The following PTGFR variants were observed in gnomAD, a reference collection of about 807,000 sequenced individuals.
PTGFR encodes prostaglandin F2-alpha receptor.
PTGFR carries 15 observed loss-of-function variants against 26.2 expected under a neutral mutation model. The observed-to-expected ratio is 0.57, with a 90% CI of 0.38 to 0.88. The LOEUF is 0.88. PTGFR is among the 40% of genes least tolerant of loss of function. The pLI is 0.00. For missense variants in PTGFR, 369 were observed against 427.2 expected (o/e 0.86, Z 1.20); for synonymous variants, 165 against 151.1 (o/e 1.09, Z -0.68).
intron 2 of PTGFR, among the ~76,000 whole-genome samples, chr1:78,507,882 T>C (rs1382718862): frequency 6.6e-6 from 1 of 152,236 alleles, no homozygotes; most frequent in African/African-American, 2.4e-5. Flanking sequence ...ATAGTTTTGC[T>C]GGTTATTGAG....
chr1:78,497,093 T>C (rs1337553489), intron 2 of PTGFR, among the ~76,000 whole-genome samples: 1 of 152,210 alleles, frequency 6.6e-6, no homozygotes, highest in Non-Finnish European at 1.5e-5. Context: ...ATAAATGTTT[T>C]AAATTAAAAC....
At chr1:78,513,737 A>C (rs755370187) in intron 2 of PTGFR, among the ~76,000 whole-genome samples, 3 of 152,214 alleles carry the variant, frequency 2.0e-5, no homozygotes, top group Non-Finnish European at 4.4e-5. Context: ...CCTGAAATCC[A>C]TTTCAGAAGT....
chr1:78,512,930 C>T (rs1650007723), intron 2 of PTGFR, among the ~76,000 whole-genome samples: 1 of 152,184 alleles, frequency 6.6e-6, no homozygotes, highest in Non-Finnish European at 1.5e-5. Flanking sequence ...AATGCCTGCT[C>T]CGCCTTTCCC....
At chr1:78,498,963 C>A (rs1352485939) in intron 2 of PTGFR, among the ~76,000 whole-genome samples, 3 of 152,134 alleles carry the variant, frequency 2.0e-5, no homozygotes, top group Non-Finnish European at 2.9e-5. Flanking sequence ...TAGACCTCAA[C>A]AACTCAAAAT....
At chr1:78,507,109 G>A (rs1649843933) in intron 2 of PTGFR, among the ~76,000 whole-genome samples, 1 of 152,088 alleles carries the variant, frequency 6.6e-6, no homozygotes, top group Non-Finnish European at 1.5e-5. Flanking sequence ...ATAATATTTG[G>A]AGCTTCCCCT....
At position 78,493,266 on chromosome 1, in the gene PTGFR, C is replaced by A; in HGVS notation, c.523C>A (p.Arg175=). 1.9e-6 allele frequency: 3 copies of A among 1,614,032 alleles called. No individual in the cohort carries two copies. In the South Asian group the frequency reaches 3.3e-5, roughly 18 times the overall value. Residue 175 remains arginine, a synonymous_variant, in exon 2 of 3, where the codon CGA becomes AGA. Transcript: ENST00000370757. ...AGCTTTGCTGCCCATCCTTGGACAT[C>A]GAGACTATAAAATTCAGGCGTCGAG... is the stretch of plus-strand genomic sequence containing the variant. The part of the protein sequence containing the change: ...FIALLPILGH[R]DYKIQASRTW...
chr1:78,533,074 T>C (rs33966768), intron 2 of PTGFR, among the ~76,000 whole-genome samples: 24,852 of 152,122 alleles, frequency 0.16, 2,232 homozygotes, highest in Non-Finnish European at 0.22. Flanking sequence ...GTGTATTTTC[T>C]TAAAGAAAGA....
At chr1:78,520,566 A>T (rs1402718916) in intron 2 of PTGFR, among the ~76,000 whole-genome samples, 1 of 151,990 alleles carries the variant, frequency 6.6e-6, no homozygotes, top group Non-Finnish European at 1.5e-5. Context: ...GCAGAAGGAC[A>T]GTCTTTGGTG....
intron 1 of PTGFR, among the ~76,000 whole-genome samples, chr1:78,492,243 T>C (rs1390586951): frequency 2.0e-5 from 3 of 152,228 alleles, no homozygotes; most frequent in African/African-American, 7.2e-5. Flanking sequence ...AGGAATAATC[T>C]GCAGTTTGGG....
intron 2 of PTGFR, among the ~76,000 whole-genome samples, chr1:78,535,788 G>A (rs1570304520): frequency 6.6e-6 from 1 of 152,224 alleles, no homozygotes; most frequent in South Asian, 2.1e-4. Flanking sequence ...AGTCACAACT[G>A]TGGTGTAGAG....
chr1:78,500,904 T>C (rs371442509), intron 2 of PTGFR, among the ~76,000 whole-genome samples: 6 of 152,322 alleles, frequency 3.9e-5, no homozygotes, highest in Non-Finnish European at 1.5e-5. Context: ...AAGACATTGC[T>C]AGGATGAGAA....
At chr1:78,502,704 G>T (rs1338553446) in intron 2 of PTGFR, among the ~76,000 whole-genome samples, 2 of 152,218 alleles carry the variant, frequency 1.3e-5, no homozygotes, top group South Asian at 4.1e-4. Context: ...CTTCTAATTT[G>T]GTGATCCATA....
intron 2 of PTGFR, among the ~76,000 whole-genome samples, chr1:78,518,514 A>C (rs1447040667): frequency 6.6e-6 from 1 of 151,388 alleles, no homozygotes; most frequent in Non-Finnish European, 1.5e-5. Flanking sequence ...TAATTACTTT[A>C]ATACAAAAGA....
chr1:78,491,708 A>C (rs1270842034), intron 1 of PTGFR, among the ~76,000 whole-genome samples: 2 of 152,224 alleles, frequency 1.3e-5, no homozygotes, highest in Non-Finnish European at 2.9e-5. Flanking sequence ...ACTGTGAGTA[A>C]GACCTGGAGA....
At chr1:78,498,431 G>A (rs1187057711) in intron 2 of PTGFR, among the ~76,000 whole-genome samples, 2 of 152,052 alleles carry the variant, frequency 1.3e-5, no homozygotes, top group Admixed American at 6.6e-5. Context: ...TATTGTTTAT[G>A]TATTTAGGTA....
intron 2 of PTGFR, among the ~76,000 whole-genome samples, chr1:78,526,933 G>A (rs747023175): frequency 2.0e-4 from 31 of 152,244 alleles, no homozygotes; most frequent in Non-Finnish European, 4.1e-4. Context: ...GGCATATCTT[G>A]CAGGGCCTTG....
Position 78,523,882 on chromosome 1 carries a change from G to A in PTGFR, c.799-12524G>A, listed in dbSNP as rs1650305688. On this transcript the variant is annotated intron_variant, in intron 2 of 2. Coordinates refer to ENST00000370757, the MANE Select transcript of PTGFR (RefSeq NM_000959.4). ...ACTCTGGTGATTCCTTAGTTTAAAT[G>A]TTGAATGATACACTCCTAACTCTTG... 3.3e-5 allele frequency among the ~76,000 whole-genome samples: 5 copies of A among 152,032 alleles called. No homozygotes were observed. The South Asian group carries it at 1.0e-3, about 32-fold the overall frequency.
chr1:78,500,664 C>T (rs1420351882), intron 2 of PTGFR, among the ~76,000 whole-genome samples: 2 of 152,170 alleles, frequency 1.3e-5, no homozygotes, highest in Non-Finnish European at 2.9e-5. Flanking sequence ...AGATGTCTGC[C>T]CCAAAGTCTA....
At chr1:78,511,003 G>T (rs1649954532) in intron 2 of PTGFR, among the ~76,000 whole-genome samples, 1 of 152,164 alleles carries the variant, frequency 6.6e-6, no homozygotes, top group Non-Finnish European at 1.5e-5. Flanking sequence ...GTAAGAGGTA[G>T]GCTCCCAAGG....
Sources: allele counts gnomAD v4.1 joint callset (sites outside exome capture counted in the v4.1 genomes callset), GRCh38; gene constraint gnomAD v4.1.1; transcripts MANE v1.5; gene names NCBI Gene and HGNC (gene_info 2026-07-23, HGNC 2026-07-21).